The following IRS1 variants were observed in gnomAD, a reference collection of about 807,000 sequenced individuals.
IRS1 encodes the protein insulin receptor substrate 1.
In IRS1, 34 loss-of-function variants were observed where a neutral mutation model predicts 65.6. The observed-to-expected ratio is 0.52, with a 90% confidence interval of 0.39 to 0.69. The LOEUF (loss-of-function observed/expected upper bound fraction) is 0.69, where lower values mean the gene tolerates loss of function less well. Among genes scored for constraint, IRS1 ranks in the 30% least tolerant of loss-of-function variants. IRS1 has a pLI of 0.00. For missense variants in IRS1, 1,641 were observed against 1,720.2 expected, an observed-to-expected ratio of 0.95 and a Z score of 0.81; for synonymous variants, 699 against 683.5, an observed-to-expected ratio of 1.02 and a Z score of -0.35.
Position 226,797,174 on chromosome 2 carries a change from C to T in IRS1, c.1565G>A (p.Arg522Gln), listed in dbSNP as rs373368677. 3 of 1,613,860 alleles carry T rather than the reference C, an allele frequency of 1.9e-6. No homozygotes were observed. Among genetic ancestry groups the T allele is most frequent in the African/African-American group, 1.3e-5 (1 of 74,924 alleles). Residue 522 changes from arginine to glutamine, a missense_variant, in exon 1 of 2, where the codon CGA becomes CAA. Transcript: ENST00000305123. The surrounding 1 kb of genome is among the most constrained non-coding windows in gnomAD (Gnocchi z 8.1). ...TGTGCCTGCCGAGTGAGTTCTCTTTCGGAACCGATTATCCAGATCTGCAGC... is the reference window on the plus strand; with the variant it reads ...TGTGCCTGCCGAGTGAGTTCTCTTTTGGAACCGATTATCCAGATCTGCAGC... ...ASAADLDNRF[R>Q]KRTHSAGTSP...
chr2:226,750,109 T>C (rs1938644281), intron 1 of IRS1, among the ~76,000 whole-genome samples: 1 of 151,522 alleles, frequency 6.6e-6, no homozygotes, highest in South Asian at 2.1e-4. Flanking sequence ...ATTAGCTGGG[T>C]GTGGTGGTAC....
chr2:226,773,900 A>G (rs543306004), intron 1 of IRS1, among the ~76,000 whole-genome samples: 1 of 152,314 alleles, frequency 6.6e-6, no homozygotes, highest in African/African-American at 2.4e-5. Flanking sequence ...GTGTTGAAAG[A>G]CTGTATAAAT....
At chr2:226,766,146 TATATATA>T (rs1391070170) in intron 1 of IRS1, among the ~76,000 whole-genome samples, 116 of 6,522 alleles carry the variant, frequency 0.018, 8 homozygotes, top group Non-Finnish European at 0.035. Context: ...TATATATATA[TATATATA>T]TATATATATA....
chr2:226,766,120 CTTATATATAT>C lies in IRS1; in HGVS notation c.*21+28859_*21+28868del, dbSNP rs1463635531. Among the ~76,000 whole-genome samples, 26 of 31,688 alleles carry C rather than the reference CTTATATATAT, an allele frequency of 8.2e-4. 1 individual carries two copies. The highest frequency in any genetic ancestry group is 2.8e-3 in the African/African-American group (21 of 7,618). 20.8% of individuals were successfully genotyped at this position (31,688 alleles called of 152,430 possible). ...AATTTTCCCAAGGCCCTCTCTTAAT[CTTATATATAT>C]ATATATATATATATATATATATATA... On this transcript the variant is annotated intron_variant, in intron 1 of 1. Transcript: ENST00000305123.
At chr2:226,758,201 T>C (rs1014827767) in intron 1 of IRS1, among the ~76,000 whole-genome samples, 15 of 152,192 alleles carry the variant, frequency 9.9e-5, no homozygotes, top group African/African-American at 3.1e-4. Context: ...GGTTGTTTTA[T>C]TTTTACTTCA....
Position 226,733,994 on chromosome 2 carries a change from G to A in IRS1, c.*2278C>T, listed in dbSNP as rs949207272. On this transcript the variant is annotated 3_prime_UTR_variant, in exon 2 of 2. Coordinates refer to ENST00000305123, the MANE Select transcript of IRS1 (RefSeq NM_005544.3). ...ATAATTCCACATGTAGAGGTATCTC[G>A]GTAACACATATTCAAAGTGTAGGTT... 6.6e-5 allele frequency: 10 copies of A among 152,076 alleles called. No individual in the cohort carries two copies. The highest frequency in any genetic ancestry group is 8.8e-5 in the Non-Finnish European group (6 of 68,012). 9.4% of individuals were successfully genotyped at this position (152,076 alleles called of 1,614,324 possible).
chr2:226,732,518 ATATG>A lies in IRS1; in HGVS notation c.*3750_*3753del, dbSNP rs1180760153. The stretch of plus-strand genomic sequence containing the variant: ...CACACACACACATATGTGTATCTAT[ATATG>A]TGTGTATATATATCTATATATGTGT... On this transcript the variant is annotated 3_prime_UTR_variant, in exon 2 of 2. Transcript: ENST00000305123. The A allele has an allele frequency of 6.7e-6, 1 of 148,874 alleles. No homozygotes were observed. The highest frequency in any genetic ancestry group is 6.8e-5 in the Admixed American group (1 of 14,786). 9.2% of individuals were successfully genotyped at this position (148,874 alleles called of 1,614,324 possible). A position where few individuals can be genotyped will look rare whatever the true frequency, so the allele number is the denominator to read the frequency against.
rs1939709442 is a variant in IRS1 at position 226,795,832 on chromosome 2, A to G, written c.2907T>C (p.Pro969=). The change falls in exon 1 of 2, where the codon CCT becomes CCC. Residue 969 remains proline (P), a synonymous_variant. Transcript: ENST00000305123. ...GVEMGRLGPA[P]PGAASICRPT... is the part of the protein sequence containing the mutation. ...GCCTGCAAATGCTAGCAGCCCCGGG[A>G]GGTGCAGGGCCCAGTCTGCCCATCT... is the stretch of plus-strand genomic sequence containing the variant. 2 of 1,613,106 alleles carry G rather than the reference A, an allele frequency of 1.2e-6. No individual in the cohort carries two copies. The highest frequency in any genetic ancestry group is 4.5e-5 in the East Asian group (2 of 44,866).
intron 1 of IRS1, among the ~76,000 whole-genome samples, chr2:226,765,833 T>TA (rs1307318900): frequency 6.6e-6 from 1 of 152,050 alleles, no homozygotes; most frequent in Non-Finnish European, 1.5e-5. Flanking sequence ...AACATGGACC[T>TA]AATTTTTATT....
At chr2:226,763,859 C>A (rs991310711) in intron 1 of IRS1, among the ~76,000 whole-genome samples, 6 of 152,144 alleles carry the variant, frequency 3.9e-5, no homozygotes, top group Non-Finnish European at 8.8e-5. Flanking sequence ...CCAAGCTACT[C>A]TTTTCTTCAT....
At chr2:226,757,090 C>T (rs1051347096) in intron 1 of IRS1, among the ~76,000 whole-genome samples, 2 of 152,140 alleles carry the variant, frequency 1.3e-5, no homozygotes, top group Admixed American at 6.6e-5. Context: ...TGACAAAGTG[C>T]GTGTGTAAGA....
At position 226,733,902 on chromosome 2, in the gene IRS1, G is replaced by A. The variant is rs1390592219; in HGVS notation, c.*2370C>T. On this transcript the variant is annotated 3_prime_UTR_variant, in exon 2 of 2. Coordinates refer to ENST00000305123, the MANE Select transcript of IRS1 (RefSeq NM_005544.3). ...TTATGCTTTTCGACTCAAAAAGTCA[G>A]AGAAATAGAAACCAAGAGATAGATT... is the stretch of plus-strand genomic sequence containing the variant. 1 of 152,226 alleles carries A rather than the reference G, an allele frequency of 6.6e-6. No individual in the cohort carries two copies. The highest frequency in any genetic ancestry group is 1.5e-5 in the Non-Finnish European group (1 of 68,046). 9.4% of individuals were successfully genotyped at this position (152,226 alleles called of 1,614,324 possible).
At chr2:226,777,315 G>A (rs993218922) in intron 1 of IRS1, among the ~76,000 whole-genome samples, 5 of 152,160 alleles carry the variant, frequency 3.3e-5, no homozygotes, top group African/African-American at 1.2e-4. Context: ...AAATAAAAAA[G>A]TGTATTTTAA....
At chr2:226,742,086 G>C (rs1286949216) in intron 1 of IRS1, among the ~76,000 whole-genome samples, 1 of 152,170 alleles carries the variant, frequency 6.6e-6, no homozygotes, top group African/African-American at 2.4e-5. Flanking sequence ...TATTAACTAT[G>C]GTCATATTGC....
intron 1 of IRS1, among the ~76,000 whole-genome samples, chr2:226,738,274 G>A (rs142711356): frequency 2.0e-5 from 3 of 152,232 alleles, no homozygotes; most frequent in African/African-American, 7.2e-5. Flanking sequence ...AAAATAAATT[G>A]CAAAAACCAC....
intron 1 of IRS1, among the ~76,000 whole-genome samples, chr2:226,786,945 G>A (rs547433235): frequency 2.6e-5 from 4 of 151,940 alleles, no homozygotes. Flanking sequence ...TCAAAGTGTT[G>A]GACCTTTTCT....
At chr2:226,778,373 AC>A (rs1939313816) in intron 1 of IRS1, among the ~76,000 whole-genome samples, 1 of 152,214 alleles carries the variant, frequency 6.6e-6, no homozygotes, top group Admixed American at 6.5e-5. Flanking sequence ...AGAAAAAGCA[AC>A]CTTAAAATTG....
chr2:226,799,075 T>G lies in IRS1; in HGVS notation c.-337A>C. The G allele has an allele frequency of 8.0e-7, 1 of 1,250,958 alleles. No homozygotes were observed. The highest frequency in any genetic ancestry group is 1.0e-6 in the Non-Finnish European group (1 of 980,866). 77.5% of individuals were successfully genotyped at this position (1,250,958 alleles called of 1,614,324 possible). On this transcript the variant is annotated 5_prime_UTR_variant, in exon 1 of 2. Coordinates refer to ENST00000305123, the MANE Select transcript of IRS1 (RefSeq NM_005544.3). This position sits in a 1 kb window ranked among gnomAD's most constrained non-coding sequence, Gnocchi z 6.1. ...GGAAGGAGCGAAGATGCATCTCTCG[T>G]CGCCCCGGCTGGAGTCCGGCACAGG... is the stretch of plus-strand genomic sequence containing the variant.
intron 1 of IRS1, among the ~76,000 whole-genome samples, chr2:226,755,600 CAAGTTA>C (rs1193789874): frequency 6.6e-6 from 1 of 152,198 alleles, no homozygotes. Context: ...AAAGCTTTTT[CAAGTTA>C]AACTTGGGTG....
Sources: gnomAD v4.1 joint callset for allele counts (sites outside exome capture counted in the v4.1 genomes callset) on GRCh38, gnomAD v4.1.1 for gene constraint, Gnocchi (gnomAD v3.1) non-coding constraint, MANE v1.5 for transcripts, NCBI Gene and HGNC (gene_info 2026-07-23, HGNC 2026-07-21) for gene names.